SVOPL: variants seen among roughly 807,000 people sequenced by gnomAD.
SVOPL encodes the protein SVOP like.
SVOPL carries 60 observed loss-of-function variants against 61.0 expected under a neutral mutation model. The ratio of observed to expected loss-of-function variants is 0.98; its 90% CI spans 0.80 to 1.22. The LOEUF is 1.22. Ranked by LOEUF, SVOPL falls within the 50% of genes most tolerant of loss-of-function variation. The pLI, the probability that SVOPL is intolerant of heterozygous loss-of-function variation, is 0.00. For synonymous variants in SVOPL, 279 were observed against 250.0 expected (o/e 1.12, Z -1.09); for missense variants, 662 against 643.9 (o/e 1.03, Z -0.30).
chr7:138,652,974 G>A (rs1417034962), intron 7 of SVOPL, among the ~76,000 whole-genome samples: 1 of 152,150 alleles, frequency 6.6e-6, no homozygotes, highest in African/African-American at 2.4e-5. Context: ...GAACAAAAGT[G>A]GTAAGAAAGT....
At chr7:138,598,577 G>A (rs1431080517) in intron 14 of SVOPL, among the ~76,000 whole-genome samples, 2 of 152,006 alleles carry the variant, frequency 1.3e-5, no homozygotes, top group African/African-American at 2.4e-5. Context: ...GGCCCTAAAA[G>A]GATCCTCAAG....
intron 1 of SVOPL, among the ~76,000 whole-genome samples, chr7:138,698,414 A>T (rs375456166): frequency 2.6e-5 from 4 of 151,570 alleles, no homozygotes; most frequent in African/African-American, 9.7e-5. Flanking sequence ...TCTTCCTCAC[A>T]CCCCCTCGCT....
At chr7:138,689,529 C>A in intron 1 of SVOPL, 27 of 590,850 alleles carry the variant, frequency 4.6e-5, no homozygotes, top group South Asian at 7.7e-5. Flanking sequence ...AGAGTAAATT[C>A]AGCATTAAAA....
Position 138,613,331 on chromosome 7 carries a change from T to C in SVOPL, c.1353+7715A>G, listed in dbSNP as rs370976061. ...CACCGTGACAGGCCAGAGTGATCTT[T>C]TTAAAAAACAAAACTGATCATATCC... is the stretch of plus-strand genomic sequence containing the variant. On this transcript the variant is annotated intron_variant, in intron 14 of 15. Transcript: ENST00000674285. Among the ~76,000 whole-genome samples the C allele has an allele frequency of 3.3e-5, 5 of 152,264 alleles. No individual in the cohort carries two copies. In the East Asian group the frequency reaches 7.7e-4, roughly 24 times the overall value.
intron 2 of SVOPL, 124 bp from the exon 3 acceptor site, chr7:138,678,649 G>T: frequency 1.1e-6 from 1 of 891,114 alleles, no homozygotes; most frequent in Non-Finnish European, 1.7e-6. Context: ...TCAGTGGTAG[G>T]CAACCTCTGC....
chr7:138,596,578 C>G, intron 14 of SVOPL, 48 bp from the exon 15 acceptor site: 1 of 1,592,046 alleles, frequency 6.3e-7, no homozygotes, highest in Non-Finnish European at 8.6e-7. Flanking sequence ...CCAGTTACCT[C>G]TAAACTGTTC....
intron 14 of SVOPL, among the ~76,000 whole-genome samples, chr7:138,609,971 C>T (rs748877952): frequency 7.9e-5 from 12 of 152,116 alleles, no homozygotes; most frequent in Admixed American, 3.3e-4. Flanking sequence ...GCAAATGATC[C>T]GATGCCTGCC....
intron 9 of SVOPL, among the ~76,000 whole-genome samples, chr7:138,631,259 T>C (rs1394484375): frequency 1.3e-5 from 2 of 152,140 alleles, no homozygotes; most frequent in African/African-American, 2.4e-5. Flanking sequence ...ATGAGCTGTT[T>C]TGATAAACCT....
chr7:138,672,196 C>A, intron 3 of SVOPL, 79 bp from the exon 4 acceptor site: 1 of 1,303,390 alleles, frequency 7.7e-7, no homozygotes, highest in South Asian at 1.3e-5. Flanking sequence ...GCCCATCATC[C>A]TACCTAGTCC....
At chr7:138,653,944 A>AAG (rs1554469213) in intron 7 of SVOPL, among the ~76,000 whole-genome samples, 6 of 50,664 alleles carry the variant, frequency 1.2e-4, no homozygotes, top group Admixed American at 2.3e-4. Context: ...AAAAAAAAAA[A>AAG]AAAAGAAAAG....
At chr7:138,679,484 G>A (rs1045118048) in intron 1 of SVOPL, among the ~76,000 whole-genome samples, 3 of 152,066 alleles carry the variant, frequency 2.0e-5, no homozygotes, top group African/African-American at 7.2e-5. Flanking sequence ...TGTTCTCCAG[G>A]CTGGTCTCGA....
intron 14 of SVOPL, among the ~76,000 whole-genome samples, chr7:138,619,212 A>G (rs1249735186): frequency 6.6e-6 from 1 of 152,172 alleles, no homozygotes; most frequent in Admixed American, 6.5e-5. Flanking sequence ...GTTGGAGGCC[A>G]GCCTGAGCAA....
At chr7:138,639,513 G>A (rs907746074) in intron 9 of SVOPL, among the ~76,000 whole-genome samples, 4 of 151,884 alleles carry the variant, frequency 2.6e-5, no homozygotes, top group African/African-American at 9.7e-5. Flanking sequence ...TGTAATCCCA[G>A]CTACTTGGGA....
intron 3 of SVOPL, among the ~76,000 whole-genome samples, chr7:138,677,081 T>C (rs1411374153): frequency 6.6e-6 from 1 of 152,094 alleles, no homozygotes; most frequent in Admixed American, 6.6e-5. Flanking sequence ...TTTTTTTGTA[T>C]TTTTATTAGA....
At chr7:138,677,061 GCC>G (rs1056471217) in intron 3 of SVOPL, among the ~76,000 whole-genome samples, 11 of 152,062 alleles carry the variant, frequency 7.2e-5, no homozygotes, top group African/African-American at 2.2e-4. Flanking sequence ...CCGCCACCAT[GCC>G]CGTCTCATTT....
At chr7:138,676,728 TA>T (rs540503962) in intron 3 of SVOPL, among the ~76,000 whole-genome samples, 71 of 152,308 alleles carry the variant, frequency 4.7e-4, no homozygotes, top group Admixed American at 3.7e-3. Context: ...CGAATTTACA[TA>T]AAATAATACC....
chr7:138,699,774 G>A (rs1187248204), intron 1 of SVOPL, among the ~76,000 whole-genome samples: 3 of 152,172 alleles, frequency 2.0e-5, no homozygotes, highest in African/African-American at 4.8e-5. Flanking sequence ...GTGTGGCTCC[G>A]AGGAGCAAGT....
intron 14 of SVOPL, among the ~76,000 whole-genome samples, chr7:138,617,555 A>G (rs181195910): frequency 1.8e-4 from 27 of 152,310 alleles, no homozygotes; most frequent in African/African-American, 6.3e-4. Flanking sequence ...ACTTAAAAAT[A>G]TAAGTAACTG....
chr7:138,639,369 G>A (rs1364090603), intron 9 of SVOPL, among the ~76,000 whole-genome samples: 3 of 152,078 alleles, frequency 2.0e-5, no homozygotes, highest in Non-Finnish European at 4.4e-5. Flanking sequence ...GCTCATGCCT[G>A]TAATCCCAGC....
Sources: gnomAD v4.1 joint callset for allele counts (sites outside exome capture counted in the v4.1 genomes callset) on GRCh38, gnomAD v4.1.1 for gene constraint, MANE v1.5 for transcripts, NCBI Gene and HGNC (gene_info 2026-07-23, HGNC 2026-07-21) for gene names.